The following PIK3CD variants were observed in gnomAD, a reference collection of about 807,000 sequenced individuals.
PIK3CD encodes the protein phosphatidylinositol 4,5-bisphosphate 3-kinase catalytic subunit delta isoform.
Under a neutral mutation model 122.9 loss-of-function variants are expected in PIK3CD, and 20 were observed. The observed-to-expected ratio is 0.16, with a 90% CI of 0.11 to 0.24. The LOEUF is 0.24. Among genes scored for constraint, PIK3CD ranks in the 10% least tolerant of loss-of-function variants. The probability of loss-of-function intolerance (pLI) is 1.00; values close to 1 mark genes in which losing one functional copy is unlikely to be tolerated. For synonymous variants in PIK3CD, 596 were observed against 593.4 expected (o/e 1.00, Z -0.06); for missense variants, 787 against 1,406.3 (o/e 0.56, Z 7.04).
Position 9,695,723 on chromosome 1 carries a change from TC to T in PIK3CD, c.-33+4155del, listed in dbSNP as rs751791225. Among the ~76,000 whole-genome samples the T allele has an allele frequency of 1.6e-3, 237 of 151,754 alleles. 2 individuals carry two copies. The highest frequency in any genetic ancestry group is 1.9e-3 in the Non-Finnish European group (126 of 67,942). The stretch of plus-strand genomic sequence containing the variant: ...TGGGCGTGGTGGCATGTGCCTGTAA[TC>T]CCAGCTACTTGGGAGGCTGAGGCAG... On this transcript the variant is annotated intron_variant, in intron 2 of 23. Transcript: ENST00000377346.
rs1649764117 is a variant in PIK3CD, at chr1:9,727,023, G to A, written c.3112G>A (p.Val1038Met). Residue 1038 changes from valine to methionine, a missense_variant, in exon 24 of 24, where the codon GTG becomes ATG. Physicochemically the swap from Val to Met is conservative, Grantham distance 21. Around this residue, in one of 6 missense-constraint regions of PIK3CD, gnomAD observed 60 missense variants for 129.5 expected, o/e 0.46. Coordinates refer to ENST00000377346, the MANE Select transcript of PIK3CD (RefSeq NM_005026.5). Reference protein sequence around the residue: ...KTKVNWLAHNVSKDNRQ With the variant: ...KTKVNWLAHNMSKDNRQ ...CAAAGTGAACTGGCTGGCCCACAAC[G>A]TGTCCAAAGACAACAGGCAGTAGTG... 1.2e-6 allele frequency: 2 copies of A among 1,614,112 alleles called. No individual in the cohort carries two copies. The highest frequency in any genetic ancestry group is 1.1e-5 in the South Asian group (1 of 91,072).
At position 9,710,295 on chromosome 1, in the gene PIK3CD, C is replaced by A; in HGVS notation, c.-32-129C>A. The A allele has an allele frequency of 2.6e-6, 2 of 778,736 alleles. No individual in the cohort carries two copies. Among genetic ancestry groups the A allele is most frequent in the Non-Finnish European group, 4.5e-6 (2 of 448,506 alleles). The allele number at this position is 778,736 out of a possible 1,614,324, so 48.2% of individuals were successfully genotyped here. On this transcript the variant is annotated intron_variant, in intron 2 of 23. Transcript: ENST00000377346. This position sits in a 1 kb window ranked among gnomAD's most constrained non-coding sequence, Gnocchi z 4.7. ...CCCTGAGGGAGGTGAGCTTTTTGTA[C>A]CCGCAGGTCGGGAACTCACTCCTGA... is the stretch of plus-strand genomic sequence containing the variant.
In PIK3CD at chr1:9,700,884, G is replaced by A. The variant is rs1193295430; in HGVS notation, c.-33+9313G>A. Among the ~76,000 whole-genome samples the A allele has an allele frequency of 1.3e-5, 2 of 151,816 alleles. No homozygotes were observed. The highest frequency in any genetic ancestry group is 1.9e-4 in the East Asian group (1 of 5,168). On this transcript the variant is annotated intron_variant, in intron 2 of 23. Coordinates refer to ENST00000377346, the MANE Select transcript of PIK3CD (RefSeq NM_005026.5). The surrounding 1 kb of genome is among the most constrained non-coding windows in gnomAD (Gnocchi z 5.1). ...TGTCATCCTCACTTCCTCCTGCACC[G>A]TCCCCCAAGGGTCCCTCTGATTTAA... is the stretch of plus-strand genomic sequence containing the variant.
In PIK3CD at chr1:9,655,416, T is replaced by C. The variant is rs146417570; in HGVS notation, c.-138+3614T>C. Among the ~76,000 whole-genome samples the C allele has an allele frequency of 7.5e-3, 1,131 of 150,654 alleles. 8 individuals carry two copies. Among genetic ancestry groups the C allele is most frequent in the Non-Finnish European group, 0.012 (783 of 67,780 alleles). The stretch of plus-strand genomic sequence containing the variant: ...AGCAGAAATGCTGCCAGTTTCAAGA[T>C]GGAAAAAATAAAAAACCCAGGAACC... On this transcript the variant is annotated intron_variant, in intron 1 of 23. Coordinates refer to ENST00000377346, the MANE Select transcript of PIK3CD (RefSeq NM_005026.5).
At chr1:9,656,813 C>T (rs1366075916) in intron 1 of PIK3CD, among the ~76,000 whole-genome samples, 1 of 151,922 alleles carries the variant, frequency 6.6e-6, no homozygotes, top group Non-Finnish European at 1.5e-5. Context: ...CGTGGTGGCA[C>T]GTGCCTGTAG....
At chr1:9,699,765 A>AT (rs1256047786) in intron 2 of PIK3CD, among the ~76,000 whole-genome samples, 1 of 151,814 alleles carries the variant, frequency 6.6e-6, no homozygotes, top group Non-Finnish European at 1.5e-5. Context: ...ATTTTTTTGT[A>AT]TTTTTTAAAT....
At chr1:9,685,298 T>G (rs990539015) in intron 1 of PIK3CD, among the ~76,000 whole-genome samples, 1 of 152,270 alleles carries the variant, frequency 6.6e-6, no homozygotes, top group Non-Finnish European at 1.5e-5. Flanking sequence ...TAACTGGTTT[T>G]TTTGTTTGTT....
intron 2 of PIK3CD, among the ~76,000 whole-genome samples, chr1:9,692,499 G>A (rs2100483467): frequency 6.6e-6 from 1 of 152,180 alleles, no homozygotes; most frequent in East Asian, 1.9e-4. Flanking sequence ...GGCCAAGGTG[G>A]GCGAATCACG....
intron 2 of PIK3CD, 93 bp downstream of exon 2, chr1:9,691,664 C>T (rs1307437799): frequency 1.5e-5 from 6 of 395,700 alleles, no homozygotes; most frequent in South Asian, 1.3e-4. Flanking sequence ...CCATCCTCCC[C>T]GACTCTCCAG....
chr1:9,721,718 G>T (rs372988965), intron 15 of PIK3CD, 43 bp from the exon 16 acceptor site: 10 of 1,606,638 alleles, frequency 6.2e-6, no homozygotes, highest in African/African-American at 4.0e-5. Flanking sequence ...GAGGGGCTGC[G>T]TGGTGCTGCC....
chr1:9,691,198 G>T (rs898394849), intron 1 of PIK3CD, among the ~76,000 whole-genome samples: 1 of 152,180 alleles, frequency 6.6e-6, no homozygotes, highest in Admixed American at 6.5e-5. Flanking sequence ...CTCTAAAAAC[G>T]ATCTGAGTCA....
At chr1:9,659,405 A>G (rs1373509904) in intron 1 of PIK3CD, among the ~76,000 whole-genome samples, 1 of 152,140 alleles carries the variant, frequency 6.6e-6, no homozygotes, top group Non-Finnish European at 1.5e-5. Flanking sequence ...CATAACATAA[A>G]ATTTACCATC....
chr1:9,629,597 C>A, the PIK3CD span, among the ~76,000 whole-genome samples: 7 of 152,096 alleles, frequency 4.6e-5, no homozygotes, highest in African/African-American at 1.7e-4. Flanking sequence ...GGTCACTTCA[C>A]TTCTCTGAGC....
Position 9,721,196 on chromosome 1 carries a change from T to A in PIK3CD, c.1759T>A (p.Phe587Ile). 1 of 1,613,438 alleles carries A rather than the reference T, an allele frequency of 6.2e-7. No individual in the cohort carries two copies. The highest frequency in any genetic ancestry group is 8.5e-7 in the Non-Finnish European group (1 of 1,179,970). Residue 587 changes from phenylalanine to isoleucine, a missense_variant, in exon 14 of 24, where the codon TTC (phenylalanine) becomes ATC (isoleucine). Physicochemically the swap from Phe to Ile is conservative, Grantham distance 21. Coordinates refer to ENST00000377346, the MANE Select transcript of PIK3CD (RefSeq NM_005026.5). ...LSALELLDFS[F>I]PDCHVGSFAI... ...CGCCCTGGAGCTGCTAGACTTCAGC[T>A]TCCCCGATTGCCACGTAGGCTCCTT...
the PIK3CD span, among the ~76,000 whole-genome samples, chr1:9,642,333 G>A: frequency 3.3e-5 from 5 of 151,576 alleles, no homozygotes; most frequent in Admixed American, 1.3e-4. Flanking sequence ...GGCTGGTCTC[G>A]AACTCCTGAT....
the PIK3CD span, among the ~76,000 whole-genome samples, chr1:9,642,499 C>CCT: frequency 2.0e-5 from 3 of 148,770 alleles, no homozygotes; most frequent in Non-Finnish European, 3.0e-5. Flanking sequence ...GGGTGGATCA[C>CCT]GAGGTCAGGA....
Position 9,710,898 on chromosome 1 carries a change from G to A in PIK3CD, c.141+302G>A, listed in dbSNP as rs181777229. Among the ~76,000 whole-genome samples, 261 of 152,200 alleles carry A rather than the reference G, an allele frequency of 1.7e-3. No homozygotes were observed. The highest frequency in any genetic ancestry group is 2.9e-3 in the Non-Finnish European group (200 of 68,002). The stretch of plus-strand genomic sequence containing the variant: ...ACTCCCGGGTTCAAGAGATTCTTCC[G>A]CCTCAGCCTCCTGAGTAGCTGGGAT... On this transcript the variant is annotated intron_variant, in intron 3 of 23. Coordinates refer to ENST00000377346, the MANE Select transcript of PIK3CD (RefSeq NM_005026.5). The surrounding 1 kb of genome is among the most constrained non-coding windows in gnomAD (Gnocchi z 4.7).
intron 1 of PIK3CD, among the ~76,000 whole-genome samples, chr1:9,659,385 G>A (rs1000849665): frequency 6.6e-6 from 1 of 152,144 alleles, no homozygotes; most frequent in African/African-American, 2.4e-5. Context: ...TGTTTTAATT[G>A]TAAAATATAC....
At chr1:9,721,388 C>T (rs1648627674) in intron 14 of PIK3CD, 56 bp from the exon 15 acceptor site, 9 of 1,610,300 alleles carry the variant, frequency 5.6e-6, no homozygotes. Context: ...GCCGAGGGAG[C>T]TCCCTCCTGT....
Sources: allele counts gnomAD v4.1 joint callset (sites outside exome capture counted in the v4.1 genomes callset), GRCh38; gene constraint gnomAD v4.1.1; regional missense constraint gnomAD v4.1.1; non-coding constraint Gnocchi (gnomAD v3.1); transcripts MANE v1.5; gene names NCBI Gene and HGNC (gene_info 2026-07-23, HGNC 2026-07-21).